The following SMIM12 variants were observed in gnomAD, a reference collection of about 807,000 sequenced individuals.
SMIM12 encodes the protein UPF0767 protein C1orf212.
SMIM12 carries 5 observed loss-of-function variants against 6.3 expected under a neutral mutation model. That is an observed-to-expected ratio of 0.80 (90% CI 0.42 to 1.68). The LOEUF (loss-of-function observed/expected upper bound fraction) is 1.68. SMIM12 is among the 40% of genes most tolerant of loss of function. The pLI, the probability that SMIM12 is intolerant of heterozygous loss-of-function variation, is 0.02. For missense variants in SMIM12, 103 were observed against 121.4 expected (o/e 0.85, Z 0.71); for synonymous variants, 51 against 48.0 (o/e 1.06, Z -0.26).
Position 34,854,008 on chromosome 1 carries a change from A to AC in SMIM12, c.*1690_*1691insG, listed in dbSNP as rs200278631. 0.44 allele frequency: 47,545 copies of AC among 107,294 alleles called. 9,062 individuals are homozygous for AC. The highest frequency in any genetic ancestry group is 0.94 in the East Asian group (4,538 of 4,840). 6.6% of individuals were successfully genotyped at this position (107,294 alleles called of 1,614,324 possible). A position where few individuals can be genotyped will look rare whatever the true frequency, so the allele number is the denominator to read the frequency against. On this transcript the variant is annotated 3_prime_UTR_variant, in exon 2 of 2. Transcript: ENST00000521580. ...TAAAACAACAACAACAACAACAACA[A>AC]AAAAAAACTACAGACTGCCAGGCAC...
Position 34,853,015 on chromosome 1 carries a change from T to G in SMIM12, c.*2684A>C. The G allele has an allele frequency of 6.6e-6, 1 of 152,392 alleles. No homozygotes were observed. The highest frequency in any genetic ancestry group is 1.5e-5 in the Non-Finnish European group (1 of 68,078). The allele number at this position is 152,392 out of a possible 1,614,324, so 9.4% of individuals were successfully genotyped here. On this transcript the variant is annotated 3_prime_UTR_variant, in exon 2 of 2. Transcript: ENST00000521580. Reference sequence around the variant, plus strand: ...AGTCTCTTCCCAAGTTCCATCCGATTTGTTCCCTGGGAAGCAACAGCAGCT... The same window carrying G: ...AGTCTCTTCCCAAGTTCCATCCGATGTGTTCCCTGGGAAGCAACAGCAGCT...
At position 34,859,258 on chromosome 1, in the gene SMIM12, C is replaced by T. The variant is rs556136492; in HGVS notation, c.-6+419G>A. The stretch of plus-strand genomic sequence containing the variant: ...TGCCCCAGTGCGAGGGCCCGGAGGC[C>T]CAACGAGGCCAGAAGCCGTAGTCCC... On this transcript the variant is annotated intron_variant, in intron 1 of 1. Coordinates refer to ENST00000521580, the MANE Select transcript of SMIM12 (RefSeq NM_138428.6). Among the ~76,000 whole-genome samples, 5 of 152,326 alleles carry T rather than the reference C, an allele frequency of 3.3e-5. No individual in the cohort carries two copies. The South Asian group carries it at 1.0e-3, about 32-fold the overall frequency.
Position 34,856,159 on chromosome 1 carries a change from C to T in SMIM12, c.-5-177G>A, listed in dbSNP as rs527638642. The stretch of plus-strand genomic sequence containing the variant: ...GCAGTGGCACGATCTCAGCTCACCG[C>T]ACCCTCCACCTCCCAGGTTCAAGCA... On this transcript the variant is annotated intron_variant, in intron 1 of 1. Coordinates refer to ENST00000521580, the MANE Select transcript of SMIM12 (RefSeq NM_138428.6). Among the ~76,000 whole-genome samples, 11 of 151,140 alleles carry T rather than the reference C, an allele frequency of 7.3e-5. No homozygotes were observed. In the East Asian group the frequency reaches 1.8e-3, roughly 24 times the overall value.
At position 34,855,935 on chromosome 1, in the gene SMIM12, A is replaced by G; in HGVS notation, c.43T>C (p.Tyr15His). ...ACGAAGGCAACAGGGAATGTGACAT[A>G]AGGAGCATAGGTACGAACCACGGTC... Reference protein sequence around the residue: ...FWTVVRTYAPYVTFPVAFVVG... With the variant: ...FWTVVRTYAPHVTFPVAFVVG... Residue 15 changes from tyrosine (Y) to histidine (H), a missense_variant, in exon 2 of 2, where the codon TAT (tyrosine) becomes CAT (histidine). Physicochemically the swap from Tyr to His is moderately conservative, Grantham distance 83. Coordinates refer to ENST00000521580, the MANE Select transcript of SMIM12 (RefSeq NM_138428.6). 6.4e-7 allele frequency: 1 copy of G among 1,551,634 alleles called. No homozygotes were observed. The highest frequency in any genetic ancestry group is 8.7e-7 in the Non-Finnish European group (1 of 1,146,946).
In SMIM12 at chr1:34,855,879, C is replaced by A; in HGVS notation, c.99G>T (p.Trp33Cys). The change falls in exon 2 of 2, where the codon TGG (tryptophan) becomes TGT (cysteine). Residue 33 changes from tryptophan to cysteine, a missense_variant. Physicochemically the swap from Trp to Cys is radical, Grantham distance 215. Transcript: ENST00000521580. ...GCTGGGGGTCCTTTCCCCTGATGAA[C>A]CATTCCAGGTGGTAACCCACAGCCC... ...VVGAVGYHLE[W>C]FIRGKDPQPV... 1 of 1,551,712 alleles carries A rather than the reference C, an allele frequency of 6.4e-7. No individual in the cohort carries two copies.
rs995905373 is a variant in SMIM12 at position 34,850,870 on chromosome 1, AT to A, written c.*4828del. The A allele has an allele frequency of 2.6e-5, 4 of 152,212 alleles. No individual in the cohort carries two copies. Among genetic ancestry groups the A allele is most frequent in the African/African-American group, 9.7e-5 (4 of 41,450 alleles). 9.4% of individuals were successfully genotyped at this position (152,212 alleles called of 1,614,324 possible). ...CCCTCTGACTTTGCAGACTGCACTGATGGAACTACCACTAAGGCAGGTGTGG... is the reference window on the plus strand; with the variant it reads ...CCCTCTGACTTTGCAGACTGCACTGAGGAACTACCACTAAGGCAGGTGTGG... On this transcript the variant is annotated 3_prime_UTR_variant, in exon 2 of 2. Coordinates refer to ENST00000521580, the MANE Select transcript of SMIM12 (RefSeq NM_138428.6).
At position 34,855,942 on chromosome 1, in the gene SMIM12, A is replaced by C; in HGVS notation, c.36T>G (p.Tyr12Ter). 1 of 1,551,210 alleles carries C rather than the reference A, an allele frequency of 6.4e-7. No homozygotes were observed. The highest frequency in any genetic ancestry group is 8.7e-7 in the Non-Finnish European group (1 of 1,146,570). Reference sequence around the variant, plus strand: ...CAACAGGGAATGTGACATAAGGAGCATAGGTACGAACCACGGTCCAAAACA... The same window carrying C: ...CAACAGGGAATGTGACATAAGGAGCCTAGGTACGAACCACGGTCCAAAACA... ...WPVFWTVVRT[Y>*]APYVTFPVAF... is the part of the protein sequence containing the mutation. Residue 12 changes from tyrosine (Y) to a stop codon, truncating the protein, a stop_gained, in exon 2 of 2, where the codon TAT (tyrosine) becomes TAG (stop). Coordinates refer to ENST00000521580, the MANE Select transcript of SMIM12 (RefSeq NM_138428.6). LOFTEE classifies it high-confidence loss of function.
intron 1 of SMIM12, 70 bp from the exon 2 acceptor site, chr1:34,856,052 G>C: frequency 6.9e-7 from 1 of 1,440,372 alleles, no homozygotes; most frequent in Non-Finnish European, 9.2e-7. Context: ...CAACCCACTA[G>C]AGCTCTCCAC....
rs905855973 is a variant in SMIM12, at chr1:34,852,267, G to A, written c.*3432C>T. ...GACCAGACACCAAGTGGAGGCCAAC[G>A]GGTGGTGACAGGGATATTTTAAAAG... On this transcript the variant is annotated 3_prime_UTR_variant, in exon 2 of 2. Coordinates refer to ENST00000521580, the MANE Select transcript of SMIM12 (RefSeq NM_138428.6). 7.9e-5 allele frequency among the ~76,000 whole-genome samples: 12 copies of A among 152,142 alleles called. No individual in the cohort carries two copies. In the South Asian group the frequency reaches 8.3e-4, roughly 11 times the overall value.
Position 34,855,332 on chromosome 1 carries a change from A to C in SMIM12, c.*367T>G. 2.8e-6 allele frequency: 4 copies of C among 1,409,482 alleles called. No homozygotes were observed. Among genetic ancestry groups the C allele is most frequent in the Non-Finnish European group, 2.9e-6 (3 of 1,049,772 alleles). The allele number at this position is 1,409,482 out of a possible 1,614,324, so 87.3% of individuals were successfully genotyped here. A position where few individuals can be genotyped will look rare whatever the true frequency, so the allele number is the denominator to read the frequency against. ...CAGTGCAGACTGGAACTAGACATGCAGGTATCCCTCCTAAAGGCAACGCCC... is the reference window on the plus strand; with the variant it reads ...CAGTGCAGACTGGAACTAGACATGCCGGTATCCCTCCTAAAGGCAACGCCC... On this transcript the variant is annotated 3_prime_UTR_variant, in exon 2 of 2. Coordinates refer to ENST00000521580, the MANE Select transcript of SMIM12 (RefSeq NM_138428.6).
Position 34,855,811 on chromosome 1 carries a change from C to T in SMIM12, c.167G>A (p.Arg56His). 1.3e-6 allele frequency: 2 copies of T among 1,553,376 alleles called. No individual in the cohort carries two copies. The highest frequency in any genetic ancestry group is 1.7e-6 in the Non-Finnish European group (2 of 1,147,844). The change falls in exon 2 of 2, where the codon CGC (arginine) becomes CAC (histidine). Residue 56 changes from arginine to histidine, a missense_variant. Arg to His is a conservative substitution (Grantham distance 29). Coordinates refer to ENST00000521580, the MANE Select transcript of SMIM12 (RefSeq NM_138428.6). ...CTTGCCTAGAAGCTCATCCAGCTTGCGATCCTCCCGGCGCTCTGAGATGCT... is the reference window on the plus strand; with the variant it reads ...CTTGCCTAGAAGCTCATCCAGCTTGTGATCCTCCCGGCGCTCTGAGATGCT... ...EKSISERRED[R>H]KLDELLGKDH...
rs1487529042 is a variant in SMIM12, at chr1:34,850,866, A to G, written c.*4833T>C. On this transcript the variant is annotated 3_prime_UTR_variant, in exon 2 of 2. Transcript: ENST00000521580. ...GCTTCCCTCTGACTTTGCAGACTGC[A>G]CTGATGGAACTACCACTAAGGCAGG... is the stretch of plus-strand genomic sequence containing the variant. 6.6e-6 allele frequency: 1 copy of G among 152,226 alleles called. No individual in the cohort carries two copies. Among genetic ancestry groups the G allele is most frequent in the African/African-American group, 2.4e-5 (1 of 41,444 alleles). 9.4% of individuals were successfully genotyped at this position (152,226 alleles called of 1,614,324 possible). A position where few individuals can be genotyped will look rare whatever the true frequency, so the allele number is the denominator to read the frequency against.
At chr1:34,859,203 G>C (rs985468420) in intron 1 of SMIM12, 1 of 152,244 alleles carries the variant, frequency 6.6e-6, no homozygotes, top group African/African-American at 2.4e-5. Flanking sequence ...AAAAGCATCC[G>C]GTAAAGGTCA....
chr1:34,852,581 G>A lies in SMIM12; in HGVS notation c.*3118C>T, dbSNP rs1253490906. On this transcript the variant is annotated 3_prime_UTR_variant, in exon 2 of 2. Coordinates refer to ENST00000521580, the MANE Select transcript of SMIM12 (RefSeq NM_138428.6). ...ATTAACCCCACGGGTATGATAGCAT[G>A]CTTAGAATTTTGTATAATGAATTAT... 1 of 151,394 alleles carries A rather than the reference G, an allele frequency of 6.6e-6. No homozygotes were observed. The highest frequency in any genetic ancestry group is 1.5e-5 in the Non-Finnish European group (1 of 67,962). The allele number at this position is 151,394 out of a possible 1,614,324, so 9.4% of individuals were successfully genotyped here.
Position 34,855,427 on chromosome 1 carries a change from T to A in SMIM12, c.*272A>T, listed in dbSNP as rs753828362. 7 of 1,549,544 alleles carry A rather than the reference T, an allele frequency of 4.5e-6. No homozygotes were observed. The highest frequency in any genetic ancestry group is 6.1e-6 in the Non-Finnish European group (7 of 1,138,760). On this transcript the variant is annotated 3_prime_UTR_variant, in exon 2 of 2. Transcript: ENST00000521580. ...AGATTGACAGCCAATGTTCATCTCATAACTCTCCTCCCAGCAGTGCACCAG... is the reference window on the plus strand; with the variant it reads ...AGATTGACAGCCAATGTTCATCTCAAAACTCTCCTCCCAGCAGTGCACCAG...
rs995161116 is a variant in SMIM12 at position 34,850,995 on chromosome 1, G to A, written c.*4704C>T. On this transcript the variant is annotated 3_prime_UTR_variant, in exon 2 of 2. Transcript: ENST00000521580. ...AGCAGCCCTCAACCACCAGGTCTAT[G>A]AGGGTCCCTGTTGTCCCTCAGCCAA... The A allele has an allele frequency of 6.6e-6, 1 of 152,222 alleles. No individual in the cohort carries two copies. Among genetic ancestry groups the A allele is most frequent in the Non-Finnish European group, 1.5e-5 (1 of 68,058 alleles). The allele number at this position is 152,222 out of a possible 1,614,324, so 9.4% of individuals were successfully genotyped here. A position where few individuals can be genotyped will look rare whatever the true frequency, so the allele number is the denominator to read the frequency against.
chr1:34,858,736 G>A (rs368441486), intron 1 of SMIM12: 1 of 152,122 alleles, frequency 6.6e-6, no homozygotes, highest in Non-Finnish European at 1.5e-5. Context: ...AAAGTCTCTC[G>A]CTACCGTCCT....
Position 34,855,293 on chromosome 1 carries a change from AT to A in SMIM12, c.*405del. On this transcript the variant is annotated 3_prime_UTR_variant, in exon 2 of 2. Transcript: ENST00000521580. ...AAATAGTGAAGGGAGCCAGGTGCATATTTGAATTCTTTCCAGTGCAGACTGG... is the reference window on the plus strand; with the variant it reads ...AAATAGTGAAGGGAGCCAGGTGCATATTGAATTCTTTCCAGTGCAGACTGG... 1 of 1,379,738 alleles carries A rather than the reference AT, an allele frequency of 7.2e-7. No homozygotes were observed. Among genetic ancestry groups the A allele is most frequent in the Non-Finnish European group, 9.7e-7 (1 of 1,030,222 alleles). 85.5% of individuals were successfully genotyped at this position (1,379,738 alleles called of 1,614,324 possible).
At position 34,855,502 on chromosome 1, in the gene SMIM12, T is replaced by C; in HGVS notation, c.*197A>G. 6.2e-7 allele frequency: 1 copy of C among 1,608,132 alleles called. No individual in the cohort carries two copies. Among genetic ancestry groups the C allele is most frequent in the Non-Finnish European group, 8.5e-7 (1 of 1,176,618 alleles). On this transcript the variant is annotated 3_prime_UTR_variant, in exon 2 of 2. Transcript: ENST00000521580. ...TGGCCACCACACAACAGATGCGGCC[T>C]TCCTCTTCACTGGCCCCTCGGCTGC...
Sources: gnomAD v4.1 joint callset for allele counts (sites outside exome capture counted in the v4.1 genomes callset) on GRCh38, gnomAD v4.1.1 for gene constraint, MANE v1.5 for transcripts, NCBI Gene and HGNC (gene_info 2026-07-23, HGNC 2026-07-21) for gene names.